SPIN1: variants seen among roughly 807,000 people sequenced by gnomAD.
The protein encoded by SPIN1 is spindlin-1.
A neutral mutation model predicts 26.0 loss-of-function variants in SPIN1; 3 were observed. The ratio of observed to expected loss-of-function variants is 0.12; its 90% confidence interval spans 0.05 to 0.30. SPIN1 has a LOEUF of 0.30. SPIN1 is among the 10% of genes least tolerant of loss of function. The pLI is 1.00. For missense variants in SPIN1, 126 were observed against 333.4 expected (o/e 0.38, Z 4.84); for synonymous variants, 101 against 116.5 (o/e 0.87, Z 0.86).
chr9:88,420,592 A>G (rs1205740836), intron 1 of SPIN1, among the ~76,000 whole-genome samples: 1 of 152,246 alleles, frequency 6.6e-6, no homozygotes, highest in Admixed American at 6.5e-5. Flanking sequence ...TTGATTAGTT[A>G]CAGTTCTTTT....
In SPIN1 at chr9:88,475,478, T is replaced by C; in HGVS notation, c.*201T>C. ...TTTGTGTAAGGAGAACCCCTTTCTT[T>C]TAAAAGAAGTCTGTCTATTTCGAGG... On this transcript the variant is annotated 3_prime_UTR_variant, in exon 6 of 6. Transcript: ENST00000375859. The C allele has an allele frequency of 2.3e-6, 1 of 443,240 alleles. No homozygotes were observed. The highest frequency in any genetic ancestry group is 3.9e-6 in the Non-Finnish European group (1 of 257,066). 27.5% of individuals were successfully genotyped at this position (443,240 alleles called of 1,614,324 possible).
At chr9:88,439,077 A>G (rs1388180627) in intron 2 of SPIN1, among the ~76,000 whole-genome samples, 1 of 152,216 alleles carries the variant, frequency 6.6e-6, no homozygotes, top group Non-Finnish European at 1.5e-5. Context: ...CTAAAAAAAT[A>G]AAACACACAA....
At chr9:88,414,725 C>G (rs1032681193) in intron 1 of SPIN1, among the ~76,000 whole-genome samples, 8 of 152,130 alleles carry the variant, frequency 5.3e-5, no homozygotes, top group Admixed American at 3.9e-4. Context: ...ACTACTAATA[C>G]TGTGGTTTGT....
chr9:88,456,728 A>G (rs1828480027), intron 3 of SPIN1, among the ~76,000 whole-genome samples: 1 of 152,172 alleles, frequency 6.6e-6, no homozygotes, highest in Admixed American at 6.5e-5. Flanking sequence ...TACAAATACG[A>G]ACACCAAGAA....
At chr9:88,403,752 CT>C (rs1827236609) in intron 1 of SPIN1, among the ~76,000 whole-genome samples, 1 of 152,092 alleles carries the variant, frequency 6.6e-6, no homozygotes, top group Non-Finnish European at 1.5e-5. Flanking sequence ...ATTAAGTGTT[CT>C]TTTTAAGGGG....
intron 1 of SPIN1, among the ~76,000 whole-genome samples, chr9:88,417,342 C>T (rs1442618336): frequency 2.6e-5 from 4 of 152,222 alleles, no homozygotes; most frequent in South Asian, 2.1e-4. Flanking sequence ...CTCATTTTCT[C>T]TGATGACTCC....
intron 2 of SPIN1, among the ~76,000 whole-genome samples, chr9:88,444,669 T>C (rs1285004752): frequency 6.6e-6 from 1 of 151,490 alleles, no homozygotes; most frequent in African/African-American, 2.4e-5. Flanking sequence ...TCTTTGATGA[T>C]GAATGGTTTA....
At chr9:88,470,711 C>T (rs1223108219) in intron 5 of SPIN1, among the ~76,000 whole-genome samples, 1 of 151,992 alleles carries the variant, frequency 6.6e-6, no homozygotes, top group Non-Finnish European at 1.5e-5. Context: ...TCTCCTGCCT[C>T]AGCCTCCCCA....
chr9:88,457,959 G>A (rs1272088643), intron 3 of SPIN1: 2 of 985,248 alleles, frequency 2.0e-6, no homozygotes, highest in Admixed American at 6.1e-5. Context: ...AGTAGAATTA[G>A]CCAGGTAAGG....
chr9:88,462,412 G>T, intron 3 of SPIN1, 84 bp from the exon 4 acceptor site: 1 of 1,530,086 alleles, frequency 6.5e-7, no homozygotes, highest in Non-Finnish European at 8.8e-7. Flanking sequence ...TCTGTAATGA[G>T]ATCATGCTAG....
intron 1 of SPIN1, among the ~76,000 whole-genome samples, chr9:88,390,052 T>G (rs1247660993): frequency 6.6e-6 from 1 of 152,210 alleles, no homozygotes; most frequent in African/African-American, 2.4e-5. Context: ...GCCAGAATTA[T>G]AGGTAGTAGA....
intron 5 of SPIN1, among the ~76,000 whole-genome samples, chr9:88,469,959 T>C (rs1828746268): frequency 1.3e-5 from 2 of 152,220 alleles, no homozygotes; most frequent in Non-Finnish European, 2.9e-5. Flanking sequence ...AAACTTTGTA[T>C]CTGTTAGCTG....
At chr9:88,436,273 C>T (rs1218011100) in intron 2 of SPIN1, among the ~76,000 whole-genome samples, 1 of 152,144 alleles carries the variant, frequency 6.6e-6, no homozygotes, top group Non-Finnish European at 1.5e-5. Flanking sequence ...TAATTTTAGA[C>T]TAACAGTTTT....
chr9:88,403,565 G>A (rs1827232615), intron 1 of SPIN1, among the ~76,000 whole-genome samples: 1 of 152,052 alleles, frequency 6.6e-6, no homozygotes, highest in South Asian at 2.1e-4. Context: ...AAAAAAATTA[G>A]CTGTGTGTGG....
At position 88,478,419 on chromosome 9, in the gene SPIN1, C is replaced by T. The variant is rs1179570506; in HGVS notation, c.*3142C>T. The stretch of plus-strand genomic sequence containing the variant: ...TGTGGTTCCTTGGAAATGCTGCGCT[C>T]TTTGTGTTTTTCCATCATTAGTGCA... On this transcript the variant is annotated 3_prime_UTR_variant, in exon 6 of 6. Transcript: ENST00000375859. 1 of 152,592 alleles carries T rather than the reference C, an allele frequency of 6.6e-6. No homozygotes were observed. The highest frequency in any genetic ancestry group is 1.5e-5 in the Non-Finnish European group (1 of 68,030). The allele number at this position is 152,592 out of a possible 1,614,324, so 9.5% of individuals were successfully genotyped here. A position where few individuals can be genotyped will look rare whatever the true frequency, so the allele number is the denominator to read the frequency against.
rs531773124 is a variant in SPIN1 at position 88,438,811 on chromosome 9, C to G, written c.53-10130C>G. Among the ~76,000 whole-genome samples, 4 of 152,206 alleles carry G rather than the reference C, an allele frequency of 2.6e-5. No individual in the cohort carries two copies. In the South Asian group the frequency reaches 6.2e-4, roughly 24 times the overall value. On this transcript the variant is annotated intron_variant, in intron 2 of 5. Coordinates refer to ENST00000375859, the MANE Select transcript of SPIN1 (RefSeq NM_006717.3). ...TTGGGTGATGAAGATGACATTAATA[C>G]TAAAGAAAAAGTGCCTGTTGATGAC...
chr9:88,410,931 TA>T, intron 1 of SPIN1: 1 of 1,128,886 alleles, frequency 8.9e-7, no homozygotes, highest in South Asian at 1.2e-5. Flanking sequence ...AGGGCTTTCC[TA>T]ACTTCACAAT....
At chr9:88,457,087 C>A (rs888909896) in intron 3 of SPIN1, among the ~76,000 whole-genome samples, 4 of 152,104 alleles carry the variant, frequency 2.6e-5, no homozygotes, top group African/African-American at 9.7e-5. Context: ...GAAGTGCTAG[C>A]ATTTGTCTGA....
intron 2 of SPIN1, among the ~76,000 whole-genome samples, chr9:88,429,108 C>A (rs1272865244): frequency 6.6e-6 from 1 of 152,110 alleles, no homozygotes; most frequent in African/African-American, 2.4e-5. Context: ...CTGAAGCGGT[C>A]CTCCTGCCTC....
Sources: allele counts gnomAD v4.1 joint callset (sites outside exome capture counted in the v4.1 genomes callset), GRCh38; gene constraint gnomAD v4.1.1; transcripts MANE v1.5; gene names NCBI Gene and HGNC (gene_info 2026-07-23, HGNC 2026-07-21).